Variants in LURAP1L observed in about 807,000 individuals in gnomAD.
LURAP1L encodes leucine rich adaptor protein 1 like.
A neutral mutation model predicts 13.8 loss-of-function variants in LURAP1L; 12 were observed. The ratio of observed to expected loss-of-function variants is 0.87; its 90% confidence interval spans 0.56 to 1.41. The LOEUF (loss-of-function observed/expected upper bound fraction) is 1.41. Among genes scored for constraint, LURAP1L ranks in the 40% most tolerant of loss-of-function variants. LURAP1L has a pLI of 0.00. For synonymous variants in LURAP1L, 139 were observed against 119.2 expected (o/e 1.17, Z -1.08); for missense variants, 375 against 292.9 (o/e 1.28, Z -2.04).
intron 1 of LURAP1L, among the ~76,000 whole-genome samples, chr9:12,801,542 A>T (rs962936088): frequency 2.0e-5 from 3 of 152,190 alleles, no homozygotes; most frequent in African/African-American, 7.2e-5. Flanking sequence ...GATCAATTTC[A>T]TTAAACTGCT....
chr9:12,796,255 T>G (rs1819510418), intron 1 of LURAP1L, among the ~76,000 whole-genome samples: 1 of 152,014 alleles, frequency 6.6e-6, no homozygotes, highest in Non-Finnish European at 1.5e-5. Context: ...ATAAATATTT[T>G]AAAGTACATA....
In LURAP1L at chr9:12,821,991, T is replaced by G. The variant is rs888946768; in HGVS notation, c.*231T>G. On this transcript the variant is annotated 3_prime_UTR_variant, in exon 2 of 2. Transcript: ENST00000319264. ...TTTATTACAATGATTTTCTCCCTTCTTTTACAGTAGCACAAACAAAGTAGG... is the reference window on the plus strand; with the variant it reads ...TTTATTACAATGATTTTCTCCCTTCGTTTACAGTAGCACAAACAAAGTAGG... 9 of 441,330 alleles carry G rather than the reference T, an allele frequency of 2.0e-5. No homozygotes were observed. The highest frequency in any genetic ancestry group is 3.5e-5 in the Non-Finnish European group (9 of 254,374). The allele number at this position is 441,330 out of a possible 1,614,324, so 27.3% of individuals were successfully genotyped here.
At chr9:12,780,880 T>A (rs531830330) in intron 1 of LURAP1L, among the ~76,000 whole-genome samples, 1 of 152,300 alleles carries the variant, frequency 6.6e-6, no homozygotes, top group Non-Finnish European at 1.5e-5. Flanking sequence ...CTTCTGACAT[T>A]TTGTTTGTTT....
intron 1 of LURAP1L, among the ~76,000 whole-genome samples, chr9:12,788,192 A>AAAGAAAGAAAGAAAGAAAGAAAG (rs1554657446): frequency 2.4e-3 from 250 of 103,456 alleles, no homozygotes; most frequent in Non-Finnish European, 3.3e-3. Context: ...AGAAAGAAAG[A>AAAGAAAGAAAGAAAGAAAGAAAG]AAAGAAAAGA....
intron 1 of LURAP1L, among the ~76,000 whole-genome samples, chr9:12,813,182 T>C (rs1181074712): frequency 2.6e-5 from 4 of 152,142 alleles, no homozygotes; most frequent in Non-Finnish European, 4.4e-5. Context: ...TGTGAGCTTT[T>C]TGTTAAATTT....
chr9:12,811,239 G>A (rs1473469488), intron 1 of LURAP1L, among the ~76,000 whole-genome samples: 1 of 152,166 alleles, frequency 6.6e-6, no homozygotes, highest in Non-Finnish European at 1.5e-5. Context: ...AGTAGTTTCA[G>A]TTTAGTTAAT....
intron 1 of LURAP1L, among the ~76,000 whole-genome samples, chr9:12,792,933 T>C (rs2118494455): frequency 6.6e-6 from 1 of 152,022 alleles, no homozygotes; most frequent in East Asian, 1.9e-4. Context: ...TAAAAATTAG[T>C]TTGAAGATGC....
chr9:12,795,443 C>T (rs1819499947), intron 1 of LURAP1L, among the ~76,000 whole-genome samples: 1 of 151,782 alleles, frequency 6.6e-6, no homozygotes, highest in South Asian at 2.1e-4. Flanking sequence ...CAAGAAATTC[C>T]TTCTAGAAAA....
chr9:12,777,204 G>C (rs752335124), intron 1 of LURAP1L: 2 of 983,452 alleles, frequency 2.0e-6, no homozygotes, highest in Non-Finnish European at 2.4e-6. Context: ...TTTTAGGTTG[G>C]ACAAAAATTT....
chr9:12,775,670 T>G lies in LURAP1L; in HGVS notation c.-46T>G. 1 of 1,524,580 alleles carries G rather than the reference T, an allele frequency of 6.6e-7. No individual in the cohort carries two copies. The allele number at this position is 1,524,580 out of a possible 1,614,324, so 94.4% of individuals were successfully genotyped here. ...GCAGCCTTCGAAGCCGTGGCTGCCT[T>G]TCATCTGCTGCGTTTTATTACTATT... On this transcript the variant is annotated 5_prime_UTR_variant, in exon 1 of 2. Coordinates refer to ENST00000319264, the MANE Select transcript of LURAP1L (RefSeq NM_203403.2).
At chr9:12,799,682 C>G (rs748258130) in intron 1 of LURAP1L, among the ~76,000 whole-genome samples, 2 of 152,030 alleles carry the variant, frequency 1.3e-5, no homozygotes, top group Non-Finnish European at 2.9e-5. Context: ...AGATCGAGAC[C>G]ACTGTGGCTA....
chr9:12,783,021 G>A (rs777690310), intron 1 of LURAP1L, among the ~76,000 whole-genome samples: 64 of 151,902 alleles, frequency 4.2e-4, no homozygotes, highest in Middle Eastern at 3.4e-3. Context: ...ATTGTTTGCC[G>A]TTGGCATATA....
At chr9:12,820,498 GTCC>G (rs1221871605) in intron 1 of LURAP1L, among the ~76,000 whole-genome samples, 1 of 28,306 alleles carries the variant, frequency 3.5e-5, no homozygotes. Context: ...TCGAGACTCC[GTCC>G]CCCCCCCCCC....
At chr9:12,817,943 G>A (rs370593404) in intron 1 of LURAP1L, among the ~76,000 whole-genome samples, 1 of 152,136 alleles carries the variant, frequency 6.6e-6, no homozygotes, top group Non-Finnish European at 1.5e-5. Flanking sequence ...GGACCTGCCA[G>A]CGTGTGAACT....
Position 12,821,924 on chromosome 9 carries a change from T to G in LURAP1L, c.*164T>G. 1.5e-6 allele frequency: 1 copy of G among 689,304 alleles called. No individual in the cohort carries two copies. Among genetic ancestry groups the G allele is most frequent in the South Asian group, 2.6e-5 (1 of 38,936 alleles). The allele number at this position is 689,304 out of a possible 1,614,324, so 42.7% of individuals were successfully genotyped here. On this transcript the variant is annotated 3_prime_UTR_variant, in exon 2 of 2. Transcript: ENST00000319264. ...TTGCTGTTGCTCCTAATACTTCTCATCTGAGCTGATTTATTTTTCTCTGTT... is the reference window on the plus strand; with the variant it reads ...TTGCTGTTGCTCCTAATACTTCTCAGCTGAGCTGATTTATTTTTCTCTGTT...
Position 12,809,066 on chromosome 9 carries a change from G to A in LURAP1L, c.313-12320G>A, listed in dbSNP as rs530892743. 1.6e-4 allele frequency among the ~76,000 whole-genome samples: 25 copies of A among 152,188 alleles called. 1 individual carries two copies. Among genetic ancestry groups the A allele is most frequent in the Admixed American group, 1.4e-3 (21 of 15,268 alleles). ...CACATGCTGAGAGAGGGAAAGTGAC[G>A]AGATACCACATTCTTTTAAACAACC... On this transcript the variant is annotated intron_variant, in intron 1 of 1. Transcript: ENST00000319264.
intron 1 of LURAP1L, among the ~76,000 whole-genome samples, chr9:12,792,146 G>A (rs1819448961): frequency 6.6e-6 from 1 of 152,114 alleles, no homozygotes; most frequent in Non-Finnish European, 1.5e-5. Context: ...TGACCCATAT[G>A]AAAATATAAA....
At chr9:12,820,658 G>A (rs574734891) in intron 1 of LURAP1L, among the ~76,000 whole-genome samples, 10 of 152,118 alleles carry the variant, frequency 6.6e-5, no homozygotes, top group East Asian at 3.9e-4. Flanking sequence ...TGTACACTTC[G>A]TCTCATAAAT....
At chr9:12,788,983 C>G (rs1406057356) in intron 1 of LURAP1L, among the ~76,000 whole-genome samples, 1 of 151,234 alleles carries the variant, frequency 6.6e-6, no homozygotes, top group African/African-American at 2.4e-5. Context: ...AGGAGGATCT[C>G]TGGAGCCCAG....
Sources: gnomAD v4.1 joint callset for allele counts (sites outside exome capture counted in the v4.1 genomes callset) on GRCh38, gnomAD v4.1.1 for gene constraint, MANE v1.5 for transcripts, NCBI Gene and HGNC (gene_info 2026-07-23, HGNC 2026-07-21) for gene names.